Variants in NPAS3 observed in about 807,000 individuals in gnomAD.
NPAS3 encodes neuronal PAS domain-containing protein 3.
Under a neutral mutation model 73.1 loss-of-function variants are expected in NPAS3, and 14 were observed. The ratio of observed to expected loss-of-function variants is 0.19; its 90% CI spans 0.13 to 0.30. The LOEUF (loss-of-function observed/expected upper bound fraction) is 0.30, where lower values mean the gene tolerates loss of function less well. Ranked by LOEUF, NPAS3 falls within the 10% of genes least tolerant of loss-of-function variation. The pLI is 1.00. For missense variants in NPAS3, 1,096 were observed against 1,250.0 expected, an observed-to-expected ratio of 0.88 and a Z score of 1.86; for synonymous variants, 620 against 541.5, an observed-to-expected ratio of 1.14 and a Z score of -2.01.
chr14:33,037,481 CAAA>C (rs11341910), intron 1 of NPAS3, among the ~76,000 whole-genome samples: 3 of 96,990 alleles, frequency 3.1e-5, no homozygotes, highest in African/African-American at 3.4e-5. Flanking sequence ...CCCATCTCAG[CAAA>C]AAAAAAAAAA....
chr14:33,274,691 C>T (rs1191802154), intron 3 of NPAS3, among the ~76,000 whole-genome samples: 1 of 152,134 alleles, frequency 6.6e-6, no homozygotes, highest in East Asian at 1.9e-4. Context: ...AATGATATAG[C>T]TAAACACCCA....
At chr14:33,268,577 G>C (rs1358122580) in intron 3 of NPAS3, among the ~76,000 whole-genome samples, 1 of 151,834 alleles carries the variant, frequency 6.6e-6, no homozygotes, top group Non-Finnish European at 1.5e-5. Flanking sequence ...TCCTCTACTG[G>C]TTTGCAGATT....
chr14:33,234,105 A>G (rs960815640), intron 3 of NPAS3, among the ~76,000 whole-genome samples: 2 of 152,066 alleles, frequency 1.3e-5, no homozygotes, highest in Non-Finnish European at 2.9e-5. Flanking sequence ...AGTTATAAAA[A>G]CCTATTTTTT....
At chr14:33,494,022 G>A (rs2139841428) in intron 4 of NPAS3, among the ~76,000 whole-genome samples, 1 of 152,174 alleles carries the variant, frequency 6.6e-6, no homozygotes, top group African/African-American at 2.4e-5. Flanking sequence ...TATATGAATA[G>A]CATCATCGTA....
At chr14:33,467,968 T>C (rs2050608980) in intron 4 of NPAS3, among the ~76,000 whole-genome samples, 1 of 152,088 alleles carries the variant, frequency 6.6e-6, no homozygotes. Context: ...ATTATTTCAG[T>C]CTTGAATTGA....
At chr14:33,618,415 T>G (rs764633724) in intron 5 of NPAS3, among the ~76,000 whole-genome samples, 18 of 152,142 alleles carry the variant, frequency 1.2e-4, no homozygotes, top group Admixed American at 6.5e-4. Context: ...AGGCACTAGA[T>G]TCTCCTTAAG....
intron 1 of NPAS3, among the ~76,000 whole-genome samples, chr14:33,032,480 A>C (rs1331373537): frequency 6.6e-6 from 1 of 152,174 alleles, no homozygotes; most frequent in East Asian, 1.9e-4. Context: ...ACCACAGCAC[A>C]TGTGATTAGT....
intron 2 of NPAS3, among the ~76,000 whole-genome samples, chr14:33,081,440 G>A (rs1051833622): frequency 1.1e-4 from 17 of 152,204 alleles, no homozygotes; most frequent in African/African-American, 4.1e-4. Flanking sequence ...CAAACAGGAA[G>A]AGCTGTTCCA....
chr14:33,127,064 T>C (rs950374731), intron 2 of NPAS3, among the ~76,000 whole-genome samples: 2 of 151,688 alleles, frequency 1.3e-5, no homozygotes, highest in Non-Finnish European at 2.9e-5. Flanking sequence ...AGATCTTGAT[T>C]TTTTTCATTT....
chr14:33,080,629 A>G (rs1370099796), intron 2 of NPAS3, among the ~76,000 whole-genome samples: 1 of 152,178 alleles, frequency 6.6e-6, no homozygotes, highest in African/African-American at 2.4e-5. Context: ...TGGGGCATTG[A>G]AATAAAACAT....
intron 6 of NPAS3, among the ~76,000 whole-genome samples, chr14:33,720,394 T>C (rs2140539813): frequency 6.6e-6 from 1 of 152,250 alleles, no homozygotes; most frequent in South Asian, 2.1e-4. Context: ...CAGGAACGTA[T>C]AATTAAGGTG....
rs562493555 is a variant in NPAS3, at chr14:33,272,701, G to A, written c.385+57275G>A. Among the ~76,000 whole-genome samples, 5 of 152,260 alleles carry A rather than the reference G, an allele frequency of 3.3e-5. No individual in the cohort carries two copies. In the East Asian group the frequency reaches 7.7e-4, roughly 24 times the overall value. ...CAAAGTGCTGGGATTACAGATGTGAGCCACCATTCCTGGCCTAATTTTATA... is the reference window on the plus strand; with the variant it reads ...CAAAGTGCTGGGATTACAGATGTGAACCACCATTCCTGGCCTAATTTTATA... On this transcript the variant is annotated intron_variant, in intron 3 of 11. Transcript: ENST00000356141.
intron 5 of NPAS3, among the ~76,000 whole-genome samples, chr14:33,640,581 A>G (rs2058650396): frequency 6.6e-6 from 1 of 152,266 alleles, no homozygotes; most frequent in Admixed American, 6.5e-5. Flanking sequence ...TGATATCTAT[A>G]TATAAATTGA....
intron 4 of NPAS3, among the ~76,000 whole-genome samples, chr14:33,542,746 T>C (rs10146626): frequency 0.45 from 67,752 of 152,142 alleles, 16,181 homozygotes; most frequent in African/African-American, 0.64. Flanking sequence ...AACAAAGAAC[T>C]GGATGGTACA....
intron 5 of NPAS3, among the ~76,000 whole-genome samples, chr14:33,641,407 TC>T (rs546968060): frequency 2.0e-5 from 3 of 152,218 alleles, no homozygotes; most frequent in Non-Finnish European, 2.9e-5. Flanking sequence ...ATTAATCTCC[TC>T]ATACCAGCTA....
chr14:33,062,148 G>A (rs188284147), intron 2 of NPAS3, among the ~76,000 whole-genome samples: 1 of 152,186 alleles, frequency 6.6e-6, no homozygotes, highest in Admixed American at 6.5e-5. Flanking sequence ...CTGCATCTTC[G>A]AGAAGAATTA....
chr14:33,388,333 A>G (rs1435108926), intron 4 of NPAS3, among the ~76,000 whole-genome samples: 1 of 152,176 alleles, frequency 6.6e-6, no homozygotes, highest in Non-Finnish European at 1.5e-5. Flanking sequence ...AGATATTCCC[A>G]GAGTGATTTC....
At chr14:33,624,382 G>A (rs941378208) in intron 5 of NPAS3, among the ~76,000 whole-genome samples, 42 of 152,294 alleles carry the variant, frequency 2.8e-4, no homozygotes, top group African/African-American at 1.0e-3. Context: ...TCCTAACCGG[G>A]TCTCTTTGGA....
In NPAS3 at chr14:33,800,926, C is replaced by T. The variant is rs761458175; in HGVS notation, c.2619C>T (p.Tyr873=). ...CCAAGACGCCCATGGAGATGCTCTACCACCACGTGCACCGGCTCAACATGT... is the reference window on the plus strand; with the variant it reads ...CCAAGACGCCCATGGAGATGCTCTATCACCACGTGCACCGGCTCAACATGT... Residue 873 remains tyrosine, a synonymous_variant, in exon 12 of 12, where the codon TAC becomes TAT. Coordinates refer to ENST00000356141, the Ensembl canonical transcript of NPAS3. This position sits in a 1 kb window ranked among gnomAD's most constrained non-coding sequence, Gnocchi z 6.5. The T allele has an allele frequency of 3.1e-6, 5 of 1,608,112 alleles. No homozygotes were observed. The African/African-American group carries it at 6.7e-5, about 22-fold the overall frequency.
Sources: allele counts gnomAD v4.1 joint callset (sites outside exome capture counted in the v4.1 genomes callset), GRCh38; gene constraint gnomAD v4.1.1; non-coding constraint Gnocchi (gnomAD v3.1); transcripts MANE v1.5; gene names NCBI Gene and HGNC (gene_info 2026-07-23, HGNC 2026-07-21).